Variants in BPNT2 observed in about 807,000 individuals in gnomAD.
The protein encoded by BPNT2 is Golgi-resident adenosine 3',5'-bisphosphate 3'-phosphatase.
In BPNT2, 11 loss-of-function variants were observed where a neutral mutation model predicts 29.3. That is an observed-to-expected ratio of 0.38 (90% CI 0.24 to 0.62). BPNT2 has a LOEUF of 0.62. BPNT2 is among the 20% of genes least tolerant of loss of function. The pLI, the probability that BPNT2 is intolerant of heterozygous loss-of-function variation, is 0.62. For missense variants in BPNT2, 459 were observed against 473.4 expected (o/e 0.97, Z 0.28); for synonymous variants, 195 against 187.7 (o/e 1.04, Z -0.32).
In BPNT2 at chr8:56,958,432, G is replaced by C. The variant is rs1017862490; in HGVS notation, c.*5361C>G. On this transcript the variant is annotated 3_prime_UTR_variant, in exon 5 of 5. Coordinates refer to ENST00000262644, the MANE Select transcript of BPNT2 (RefSeq NM_017813.5). The stretch of plus-strand genomic sequence containing the variant: ...GTGAAGTCGGGACCCATTTAAATTT[G>C]GTAGTATGGGTGAGGAAGGTCATAA... The C allele has an allele frequency of 3.9e-5, 6 of 152,114 alleles. No homozygotes were observed. The highest frequency in any genetic ancestry group is 7.4e-5 in the Non-Finnish European group (5 of 68,022). The allele number at this position is 152,114 out of a possible 1,614,324, so 9.4% of individuals were successfully genotyped here.
intron 3 of BPNT2, among the ~76,000 whole-genome samples, chr8:56,968,969 C>T (rs969276990): frequency 8.7e-4 from 133 of 152,204 alleles, no homozygotes; most frequent in East Asian, 5.8e-4. Flanking sequence ...TGACTGGTGT[C>T]CTTATAAGCA....
intron 3 of BPNT2, among the ~76,000 whole-genome samples, chr8:56,974,545 C>T (rs184879278): frequency 7.2e-5 from 11 of 152,204 alleles, no homozygotes; most frequent in East Asian, 1.9e-4. Flanking sequence ...ATCAACATAC[C>T]GTCTGGATCT....
At chr8:56,985,012 C>T (rs1036576658) in intron 1 of BPNT2, among the ~76,000 whole-genome samples, 1 of 151,838 alleles carries the variant, frequency 6.6e-6, no homozygotes, top group Non-Finnish European at 1.5e-5. Flanking sequence ...CATCCTGGTT[C>T]TTATTAAGGT....
chr8:56,991,658 ACTT>A (rs1350066138), intron 1 of BPNT2, among the ~76,000 whole-genome samples: 1 of 152,234 alleles, frequency 6.6e-6, no homozygotes, highest in East Asian at 1.9e-4. Context: ...AATAAAATTT[ACTT>A]CTTAAAGTTG....
intron 4 of BPNT2, chr8:56,964,361 C>T (rs532171209): frequency 7.7e-5 from 20 of 258,192 alleles, no homozygotes; most frequent in Non-Finnish European, 1.1e-4. Context: ...TGCAACAGCG[C>T]GATCTTGGCT....
At chr8:56,988,604 T>C (rs1263034585) in intron 1 of BPNT2, among the ~76,000 whole-genome samples, 1 of 152,222 alleles carries the variant, frequency 6.6e-6, no homozygotes, top group Non-Finnish European at 1.5e-5. Flanking sequence ...TATTCCCCTT[T>C]CATGTTATAT....
At chr8:56,965,332 AC>A (rs1805923454) in intron 4 of BPNT2, among the ~76,000 whole-genome samples, 1 of 152,154 alleles carries the variant, frequency 6.6e-6, no homozygotes, top group Admixed American at 6.5e-5. Flanking sequence ...AAAAGAAAAA[AC>A]AAAACAAAAC....
At chr8:56,981,917 G>A (rs528876876) in intron 1 of BPNT2, among the ~76,000 whole-genome samples, 2 of 152,130 alleles carry the variant, frequency 1.3e-5, no homozygotes, top group East Asian at 3.9e-4. Context: ...GTGCCAAAGC[G>A]ATTACAGCAC....
chr8:56,966,580 T>C (rs1001415479), intron 3 of BPNT2, among the ~76,000 whole-genome samples: 2 of 152,208 alleles, frequency 1.3e-5, no homozygotes, highest in African/African-American at 4.8e-5. Context: ...GTTCATGTTA[T>C]CTTGCATAAC....
intron 1 of BPNT2, among the ~76,000 whole-genome samples, chr8:56,983,103 G>A (rs1806271121): frequency 6.6e-6 from 1 of 152,106 alleles, no homozygotes; most frequent in Non-Finnish European, 1.5e-5. Context: ...CAGTTAATGG[G>A]GTCAGGGGTA....
At chr8:56,966,979 A>T (rs1239659714) in intron 3 of BPNT2, 1 of 350,126 alleles carries the variant, frequency 2.9e-6, no homozygotes, top group African/African-American at 2.1e-5. Context: ...GTATTAAAGA[A>T]AAAGCCTTAG....
intron 1 of BPNT2, among the ~76,000 whole-genome samples, chr8:56,988,044 A>C (rs1291552334): frequency 6.6e-6 from 1 of 152,088 alleles, no homozygotes; most frequent in Non-Finnish European, 1.5e-5. Flanking sequence ...ACTATTTTCT[A>C]AACATATAAA....
At chr8:56,973,382 A>G (rs952650104) in intron 3 of BPNT2, among the ~76,000 whole-genome samples, 1 of 152,188 alleles carries the variant, frequency 6.6e-6, no homozygotes, top group African/African-American at 2.4e-5. Flanking sequence ...CTGACAGAGA[A>G]AATCATTCAA....
chr8:56,987,580 C>T (rs1262583105), intron 1 of BPNT2, among the ~76,000 whole-genome samples: 1 of 152,154 alleles, frequency 6.6e-6, no homozygotes, highest in Non-Finnish European at 1.5e-5. Context: ...ACTTGCTTTC[C>T]TGGGTTTCCA....
intron 1 of BPNT2, among the ~76,000 whole-genome samples, chr8:56,982,380 C>G (rs191976206): frequency 2.1e-3 from 323 of 152,272 alleles, no homozygotes; most frequent in African/African-American, 7.2e-3. Flanking sequence ...CTCGGCCTCC[C>G]AAAGTACTGG....
chr8:56,985,664 A>C (rs1390254593), intron 1 of BPNT2, among the ~76,000 whole-genome samples: 1 of 152,164 alleles, frequency 6.6e-6, no homozygotes, highest in East Asian at 1.9e-4. Context: ...CAATTATCAA[A>C]ACATTCTCAG....
At position 56,957,997 on chromosome 8, in the gene BPNT2, A is replaced by AG. The variant is rs1805764910; in HGVS notation, c.*5795dup. ...GTTTGGCAAAGTATATCCGGGGCAG[A>AG]GAGTTTGGGATAATTATGTCATTGG... On this transcript the variant is annotated 3_prime_UTR_variant, in exon 5 of 5. Coordinates refer to ENST00000262644, the MANE Select transcript of BPNT2 (RefSeq NM_017813.5). The AG allele has an allele frequency of 6.6e-6, 1 of 152,142 alleles. No individual in the cohort carries two copies. The highest frequency in any genetic ancestry group is 1.5e-5 in the Non-Finnish European group (1 of 68,026). 9.4% of individuals were successfully genotyped at this position (152,142 alleles called of 1,614,324 possible).
At position 56,992,241 on chromosome 8, in the gene BPNT2, C is replaced by T. The variant is rs187451825; in HGVS notation, c.387+958G>A. Among the ~76,000 whole-genome samples the T allele has an allele frequency of 1.8e-3, 281 of 152,296 alleles. 2 individuals carry two copies. Among genetic ancestry groups the T allele is most frequent in the African/African-American group, 6.5e-3 (269 of 41,558 alleles). ...CCTGGGTTTGCACATCACTGTTTAT[C>T]TAATAAAATTCCAGTGAAGACAATT... On this transcript the variant is annotated intron_variant, in intron 1 of 4. Coordinates refer to ENST00000262644, the MANE Select transcript of BPNT2 (RefSeq NM_017813.5).
Position 56,972,577 on chromosome 8 carries a change from TA to T in BPNT2, c.646+5472del, listed in dbSNP as rs576196245. Among the ~76,000 whole-genome samples the T allele has an allele frequency of 5.5e-3, 838 of 152,228 alleles. 6 individuals are homozygous for T. Among genetic ancestry groups the T allele is most frequent in the African/African-American group, 0.019 (769 of 41,530 alleles). On this transcript the variant is annotated intron_variant, in intron 3 of 4. Coordinates refer to ENST00000262644, the MANE Select transcript of BPNT2 (RefSeq NM_017813.5). ...TGTGGGTATAAAACTGCTACATGCC[TA>T]AAGACTGTAGTATGATTCAAGAAAA...
Sources: gnomAD v4.1 joint callset for allele counts (sites outside exome capture counted in the v4.1 genomes callset) on GRCh38, gnomAD v4.1.1 for gene constraint, MANE v1.5 for transcripts, NCBI Gene and HGNC (gene_info 2026-07-23, HGNC 2026-07-21) for gene names.